AP3D1: variants seen among roughly 807,000 people sequenced by gnomAD.
AP3D1 encodes AP-3 complex subunit delta-1.
A neutral mutation model predicts 147.6 loss-of-function variants in AP3D1; 51 were observed. That is an observed-to-expected ratio of 0.35 (90% CI 0.28 to 0.44). The LOEUF (loss-of-function observed/expected upper bound fraction) is 0.44, where lower values mean the gene tolerates loss of function less well. Among genes scored for constraint, AP3D1 ranks in the 20% least tolerant of loss-of-function variants. The pLI, the probability that AP3D1 is intolerant of heterozygous loss-of-function variation, is 1.00. For synonymous variants in AP3D1, 760 were observed against 663.0 expected (o/e 1.15, Z -2.25); for missense variants, 1,421 against 1,624.2 (o/e 0.87, Z 2.15).
chr19:2,143,937 A>G (rs908229875), intron 1 of AP3D1, among the ~76,000 whole-genome samples: 4 of 151,906 alleles, frequency 2.6e-5, no homozygotes, highest in African/African-American at 2.4e-5. Context: ...AAAATACAAA[A>G]TTAGCCGGGG....
At chr19:2,143,459 C>G (rs1214277245) in intron 1 of AP3D1, among the ~76,000 whole-genome samples, 6 of 151,630 alleles carry the variant, frequency 4.0e-5, no homozygotes, top group African/African-American at 1.2e-4. Context: ...CCAGGATGGT[C>G]TCGATCTCCT....
chr19:2,118,097 T>C (rs892265549), intron 15 of AP3D1, among the ~76,000 whole-genome samples: 10 of 151,486 alleles, frequency 6.6e-5, no homozygotes, highest in African/African-American at 2.2e-4. Flanking sequence ...GGGATGGAGG[T>C]TGTCATGAGC....
At chr19:2,159,687 C>T (rs1340930342) in intron 1 of AP3D1, among the ~76,000 whole-genome samples, 1 of 147,890 alleles carries the variant, frequency 6.8e-6, no homozygotes, top group Non-Finnish European at 1.5e-5. Context: ...CGTGCCCGGC[C>T]GCCTAGCTAA....
At chr19:2,105,791 G>A (rs1016011496) in intron 31 of AP3D1, among the ~76,000 whole-genome samples, 32 of 152,172 alleles carry the variant, frequency 2.1e-4, no homozygotes, top group Admixed American at 3.9e-4. Flanking sequence ...AGCCGCCTCA[G>A]GCCCAGCAGA....
chr19:2,157,144 GA>G (rs1023625812), intron 1 of AP3D1, among the ~76,000 whole-genome samples: 3 of 149,652 alleles, frequency 2.0e-5, no homozygotes, highest in African/African-American at 7.3e-5. Context: ...AACGTTTCTT[GA>G]AAAAAACAAA....
At chr19:2,155,344 G>C (rs1415843949), upstream of AP3D1, among the ~76,000 whole-genome samples, 1 of 150,510 alleles carries the variant, frequency 6.6e-6, no homozygotes, top group East Asian at 1.9e-4. Flanking sequence ...CTGGGCGACA[G>C]AGTGAGACTC....
rs1184570641 is a variant in AP3D1, at chr19:2,114,130, TCTC to T, written c.2593_2595del (p.Glu865del). 2.6e-6 allele frequency: 4 copies of T among 1,548,518 alleles called. No homozygotes were observed. Among genetic ancestry groups the T allele is most frequent in the East Asian group, 2.4e-5 (1 of 41,584 alleles). On this transcript the variant is annotated inframe_deletion, in exon 22 of 32. Coordinates refer to ENST00000643116, the MANE Select transcript of AP3D1 (RefSeq NM_001261826.3). ...GCCCTGGGCACTAGCCTTACCTTCT[TCTC>T]CTTCTCCTTCTTCTTCTCCTTGTCT...
At chr19:2,119,002 C>T (rs967991688) in intron 14 of AP3D1, among the ~76,000 whole-genome samples, 170 bp from the exon 15 acceptor site, 1 of 152,172 alleles carries the variant, frequency 6.6e-6, no homozygotes, top group Admixed American at 6.5e-5. Context: ...AACCACAGGC[C>T]GTCAACAGCC....
intron 31 of AP3D1, among the ~76,000 whole-genome samples, chr19:2,102,776 TAAA>T (rs1790758707): frequency 1.1e-5 from 1 of 88,986 alleles, no homozygotes; most frequent in Non-Finnish European, 2.4e-5. Context: ...AATAAATAAA[TAAA>T]TAAAATAAAA....
chr19:2,118,564 C>T, intron 15 of AP3D1, 37 bp downstream of exon 15: 1 of 1,578,254 alleles, frequency 6.3e-7, no homozygotes, highest in Non-Finnish European at 8.6e-7. Context: ...CTGAGGGCTC[C>T]CTGAGGCTCG....
intron 31 of AP3D1, among the ~76,000 whole-genome samples, chr19:2,107,419 G>A (rs992452755): frequency 2.0e-5 from 3 of 151,920 alleles, no homozygotes; most frequent in Admixed American, 6.6e-5. Context: ...GAACCAAACC[G>A]GACATCAAGA....
chr19:2,112,019 GC>G (rs1213384018), intron 24 of AP3D1, 191 bp from the exon 25 acceptor site: 53 of 886,656 alleles, frequency 6.0e-5, no homozygotes, highest in East Asian at 5.4e-4. Context: ...GGAGGCTGGG[GC>G]CGTCTCTGGT....
At chr19:2,131,214 T>C (rs2018929058) in intron 5 of AP3D1, among the ~76,000 whole-genome samples, 2 of 152,378 alleles carry the variant, frequency 1.3e-5, no homozygotes, top group African/African-American at 4.8e-5. Flanking sequence ...ATCTAGAAGC[T>C]TAGCAGGCTG....
chr19:2,130,259 G>A (rs1194867423), intron 6 of AP3D1, 149 bp downstream of exon 6: 4 of 1,261,048 alleles, frequency 3.2e-6, no homozygotes, highest in East Asian at 2.6e-5. Flanking sequence ...CCCCAGCAAG[G>A]GGAGGCCCAG....
intron 31 of AP3D1, among the ~76,000 whole-genome samples, chr19:2,105,326 G>A (rs565604035): frequency 2.0e-5 from 3 of 152,326 alleles, no homozygotes; most frequent in South Asian, 2.1e-4. Context: ...TGGCCCTAAC[G>A]CCCACGCTGG....
chr19:2,144,050 C>A (rs2019293973), intron 1 of AP3D1, among the ~76,000 whole-genome samples: 1 of 149,476 alleles, frequency 6.7e-6, no homozygotes, highest in South Asian at 2.1e-4. Context: ...CGCGCCATTG[C>A]ACTTCAGCCT....
intron 16 of AP3D1, 138 bp from the exon 17 acceptor site, chr19:2,116,884 C>A: frequency 8.4e-7 from 1 of 1,195,718 alleles, no homozygotes. Context: ...ACAGGGCCAG[C>A]GAGGCAGGTG....
At chr19:2,130,559 CCTGCGCGGGCTTT>C (rs1380991651) in intron 5 of AP3D1, 22 bp from the exon 6 acceptor site, 1 of 1,612,404 alleles carries the variant, frequency 6.2e-7, no homozygotes, top group African/African-American at 1.3e-5. Flanking sequence ...CGGGCTTCAG[CCTGCGCGGGCTTT>C]CTGCGCCTCA....
intron 28 of AP3D1, 50 bp downstream of exon 28, chr19:2,110,086 G>T: frequency 6.3e-7 from 1 of 1,582,074 alleles, no homozygotes. Context: ...GGCAGGAGGA[G>T]CCCCTGCCTG....
Sources: allele counts gnomAD v4.1 joint callset (sites outside exome capture counted in the v4.1 genomes callset), GRCh38; gene constraint gnomAD v4.1.1; transcripts MANE v1.5; gene names NCBI Gene and HGNC (gene_info 2026-07-23, HGNC 2026-07-21).